Variants in FOXP2 observed in about 807,000 individuals in gnomAD.
The protein encoded by FOXP2 is forkhead box protein P2.
Under a neutral mutation model 115.8 loss-of-function variants are expected in FOXP2, and 12 were observed. The ratio of observed to expected loss-of-function variants is 0.10; its 90% CI spans 0.07 to 0.17. The LOEUF (loss-of-function observed/expected upper bound fraction) is 0.17. FOXP2 is among the 10% of genes least tolerant of loss of function. The pLI, the probability that FOXP2 is intolerant of heterozygous loss-of-function variation, is 1.00. For synonymous variants in FOXP2, 328 were observed against 297.7 expected (o/e 1.10, Z -1.05); for missense variants, 629 against 843.5 (o/e 0.75, Z 3.15).
chr7:114,305,585 A>G (rs1796994188), intron 2 of FOXP2, among the ~76,000 whole-genome samples: 1 of 152,102 alleles, frequency 6.6e-6, no homozygotes, highest in African/African-American at 2.4e-5. Flanking sequence ...TAAAACCATT[A>G]TTTTATATTC....
At chr7:114,178,465 A>G (rs749518526) in intron 1 of FOXP2, among the ~76,000 whole-genome samples, 4 of 151,934 alleles carry the variant, frequency 2.6e-5, no homozygotes, top group Non-Finnish European at 5.9e-5. Flanking sequence ...TGTGACATTC[A>G]AAGGATTTGA....
intron 3 of FOXP2, among the ~76,000 whole-genome samples, chr7:114,548,129 T>G (rs959812002): frequency 6.6e-6 from 1 of 152,174 alleles, no homozygotes; most frequent in Non-Finnish European, 1.5e-5. Flanking sequence ...ATAACTCTCC[T>G]TCCTCCAAGC....
chr7:114,265,291 A>T (rs1306261300), intron 1 of FOXP2, among the ~76,000 whole-genome samples: 3 of 152,216 alleles, frequency 2.0e-5, no homozygotes, highest in Non-Finnish European at 4.4e-5. Flanking sequence ...GGGAGAAATC[A>T]GCCAAAAGAA....
intron 1 of FOXP2, among the ~76,000 whole-genome samples, chr7:114,106,252 A>C (rs1007984404): frequency 6.6e-6 from 1 of 152,074 alleles, no homozygotes; most frequent in East Asian, 1.9e-4. Context: ...ATGAATTTAA[A>C]ACCATATTTG....
intron 3 of FOXP2, among the ~76,000 whole-genome samples, chr7:114,593,127 A>G (rs1366443292): frequency 2.6e-5 from 4 of 152,078 alleles, no homozygotes; most frequent in Middle Eastern, 6.8e-3. Flanking sequence ...GAAGGATTTG[A>G]AAGTTTACTC....
At position 114,309,310 on chromosome 7, in the gene FOXP2, G is replaced by T. The variant is rs141955192; in HGVS notation, c.-11+21201G>T. Among the ~76,000 whole-genome samples the T allele has an allele frequency of 1.5e-3, 225 of 152,284 alleles. 1 individual carries two copies. The highest frequency in any genetic ancestry group is 2.5e-3 in the Admixed American group (38 of 15,296). Reference sequence around the variant, plus strand: ...TGGTTTCTTGTTATCTATAATGTTAGACCCTTTCTCAGTTTTTGACAATCA... The same window carrying T: ...TGGTTTCTTGTTATCTATAATGTTATACCCTTTCTCAGTTTTTGACAATCA... On this transcript the variant is annotated intron_variant, in intron 2 of 17. Coordinates refer to the FOXP2 transcript ENST00000634411.
At chr7:114,165,755 T>C (rs1377021622) in intron 1 of FOXP2, among the ~76,000 whole-genome samples, 3 of 152,174 alleles carry the variant, frequency 2.0e-5, no homozygotes, top group Non-Finnish European at 4.4e-5. Flanking sequence ...TTTGTGGGTA[T>C]TGACAAACTA....
intron 2 of FOXP2, among the ~76,000 whole-genome samples, chr7:114,505,247 A>G (rs903393528): frequency 6.6e-6 from 1 of 151,708 alleles, no homozygotes; most frequent in East Asian, 1.9e-4. Flanking sequence ...GAACTAATGT[A>G]GGAGCACTCA....
upstream of FOXP2, among the ~76,000 whole-genome samples, chr7:114,409,719 A>G (rs979438760): frequency 1.3e-5 from 2 of 152,116 alleles, no homozygotes; most frequent in East Asian, 1.9e-4. Flanking sequence ...TTGTTTTCCA[A>G]TTGATTTTGG....
At chr7:114,497,539 C>T (rs1797374507) in intron 2 of FOXP2, among the ~76,000 whole-genome samples, 1 of 152,062 alleles carries the variant, frequency 6.6e-6, no homozygotes, top group Admixed American at 6.6e-5. Context: ...ATCCCAGCTA[C>T]TATGGAGGCT....
intron 1 of FOXP2, among the ~76,000 whole-genome samples, chr7:114,103,744 A>G (rs1415182112): frequency 1.3e-5 from 2 of 152,104 alleles, no homozygotes; most frequent in African/African-American, 4.8e-5. Context: ...CCTTTTATAT[A>G]TGAAAGACTT....
At chr7:114,430,723 C>A (rs1396512826) in intron 2 of FOXP2, among the ~76,000 whole-genome samples, 1 of 151,842 alleles carries the variant, frequency 6.6e-6, no homozygotes, top group Non-Finnish European at 1.5e-5. Context: ...CTATTTTGAA[C>A]CAGCTGTGAA....
intron 2 of FOXP2, among the ~76,000 whole-genome samples, chr7:114,296,492 GTT>G (rs36025607): frequency 2.7e-5 from 4 of 149,492 alleles, no homozygotes; most frequent in Admixed American, 1.3e-4. Context: ...ATCCTGTGGA[GTT>G]TTTTTTTTCT....
chr7:114,365,479 A>G (rs1228474839), intron 2 of FOXP2, among the ~76,000 whole-genome samples: 2 of 152,090 alleles, frequency 1.3e-5, no homozygotes, highest in Admixed American at 1.3e-4. Flanking sequence ...GAGCACCACT[A>G]TTGGTAAGGA....
chr7:114,318,726 T>TATATATAC (rs1417603943), intron 2 of FOXP2, among the ~76,000 whole-genome samples: 148 of 151,186 alleles, frequency 9.8e-4, no homozygotes, highest in African/African-American at 3.3e-3. Context: ...TATATATATA[T>TATATATAC]ACACACACAC....
rs1236232920 is a variant in FOXP2, at chr7:114,606,689, T to C, written c.259-21851T>C. 2.0e-5 allele frequency among the ~76,000 whole-genome samples: 3 copies of C among 152,208 alleles called. No individual in the cohort carries two copies. In the East Asian group the frequency reaches 5.8e-4, roughly 29 times the overall value. ...GGAAGCCTATGGTAACATAATGTTT[T>C]GTATTCTGGAAAGAACATTCTTACA... On this transcript the variant is annotated intron_variant, in intron 3 of 16. Transcript: ENST00000350908.
At chr7:114,148,376 A>G (rs953443531) in intron 1 of FOXP2, among the ~76,000 whole-genome samples, 7 of 151,946 alleles carry the variant, frequency 4.6e-5, no homozygotes, top group African/African-American at 1.7e-4. Flanking sequence ...AATTTCTGTA[A>G]TACTCTTACT....
At chr7:114,663,003 A>G (rs1250398294) in intron 14 of FOXP2, among the ~76,000 whole-genome samples, 2 of 152,110 alleles carry the variant, frequency 1.3e-5, no homozygotes, top group African/African-American at 4.8e-5. Flanking sequence ...TAGTTAATCT[A>G]TTATGTTGTC....
chr7:114,181,250 T>A (rs929332691), intron 1 of FOXP2, among the ~76,000 whole-genome samples: 37 of 145,700 alleles, frequency 2.5e-4, no homozygotes, highest in African/African-American at 8.8e-4. Flanking sequence ...ATTGTGTTTC[T>A]TTTAATGGAT....
Sources: allele counts gnomAD v4.1 joint callset (sites outside exome capture counted in the v4.1 genomes callset), GRCh38; gene constraint gnomAD v4.1.1; transcripts MANE v1.5; gene names NCBI Gene and HGNC (gene_info 2026-07-23, HGNC 2026-07-21).